Variants in SEM1 observed in about 807,000 individuals in gnomAD.
SEM1 encodes SEM1 26S proteasome subunit.
Under a neutral mutation model 12.7 loss-of-function variants are expected in SEM1, and 3 were observed. The observed-to-expected ratio is 0.24, with a 90% CI of 0.11 to 0.61. The LOEUF (loss-of-function observed/expected upper bound fraction) is 0.61. Ranked by LOEUF, SEM1 falls within the 20% of genes least tolerant of loss-of-function variation. SEM1 has a pLI of 0.88. For missense variants in SEM1, 59 were observed against 81.3 expected (o/e 0.73, Z 1.06); for synonymous variants, 30 against 27.8 (o/e 1.08, Z -0.25).
Position 96,591,330 on chromosome 7 carries a change from GT to G in SEM1, c.171-84633del, listed in dbSNP as rs920308553. Among the ~76,000 whole-genome samples, 4 of 152,142 alleles carry G rather than the reference GT, an allele frequency of 2.6e-5. No individual in the cohort carries two copies. The South Asian group carries it at 6.2e-4, about 24-fold the overall frequency. On this transcript the variant is annotated intron_variant and NMD_transcript_variant, in intron 2 of 3. Coordinates refer to the SEM1 transcript ENST00000466986. ...AAAAGACTTTCGGTTAACTTCTGAGGTTTTAAAACAACGAACTGTCAACCAC... is the reference window on the plus strand; with the variant it reads ...AAAAGACTTTCGGTTAACTTCTGAGGTTTAAAACAACGAACTGTCAACCAC...
intron 2 of SEM1, among the ~76,000 whole-genome samples, chr7:96,646,468 CATATTAT>C (rs1584830541): frequency 1.3e-5 from 2 of 152,136 alleles, no homozygotes; most frequent in Non-Finnish European, 2.9e-5. Context: ...GTTTGGGTCA[CATATTAT>C]TTTAGTTATC....
intron 2 of SEM1, among the ~76,000 whole-genome samples, chr7:96,508,730 A>C (rs1405733382): frequency 6.6e-6 from 1 of 152,180 alleles, no homozygotes; most frequent in Non-Finnish European, 1.5e-5. Flanking sequence ...AGGTGGATAA[A>C]TACAATATAG....
intron 2 of SEM1, among the ~76,000 whole-genome samples, chr7:96,522,250 A>T (rs1804299795): frequency 6.6e-6 from 1 of 152,112 alleles, no homozygotes; most frequent in South Asian, 2.1e-4. Flanking sequence ...ATATTTGCGT[A>T]ACTGATCCAT....
downstream of SEM1, among the ~76,000 whole-genome samples, chr7:96,618,915 C>T (rs1249320292): frequency 1.3e-5 from 2 of 152,132 alleles, no homozygotes; most frequent in African/African-American, 2.4e-5. Context: ...TACACCTCTG[C>T]ACTTTGGCCT....
At chr7:96,663,370 A>G (rs1352973003) in intron 2 of SEM1, among the ~76,000 whole-genome samples, 1 of 152,236 alleles carries the variant, frequency 6.6e-6, no homozygotes, top group Non-Finnish European at 1.5e-5. Context: ...TGGGTTCCCC[A>G]GGAGGTAGAT....
chr7:96,557,755 C>G (rs1805566348), intron 2 of SEM1, among the ~76,000 whole-genome samples: 1 of 151,432 alleles, frequency 6.6e-6, no homozygotes, highest in Non-Finnish European at 1.5e-5. Context: ...TTTACCTAAT[C>G]AAGCCTAGGC....
chr7:96,490,702 C>G (rs1802972122), intron 1 of SEM1, among the ~76,000 whole-genome samples: 1 of 152,088 alleles, frequency 6.6e-6, no homozygotes, highest in African/African-American at 2.4e-5. Flanking sequence ...CAAGCCCAAG[C>G]CAAACGTGAT....
At chr7:96,619,488 C>T (rs1038378899), downstream of SEM1, among the ~76,000 whole-genome samples, 2 of 151,992 alleles carry the variant, frequency 1.3e-5, no homozygotes, top group East Asian at 1.9e-4. Flanking sequence ...GTGGCAGCAG[C>T]GGGGTGAGTG....
chr7:96,650,300 T>C lies in SEM1; in HGVS notation c.171-27657A>G, dbSNP rs1808932479. On this transcript the variant is annotated intron_variant, in intron 2 of 2. Coordinates refer to the SEM1 transcript ENST00000417009. ...GCTGCACAAGACTTGAAACAATCCC[T>C]CTCCTTCAGCTAGATGTCAGAAAAG... 1.0e-5 allele frequency: 5 copies of C among 489,898 alleles called. No individual in the cohort carries two copies. In the East Asian group the frequency reaches 1.3e-4, roughly 13 times the overall value. 30.3% of individuals were successfully genotyped at this position (489,898 alleles called of 1,614,324 possible). A position where few individuals can be genotyped will look rare whatever the true frequency, so the allele number is the denominator to read the frequency against.
chr7:96,651,215 C>G (rs1808971247), intron 2 of SEM1, among the ~76,000 whole-genome samples: 1 of 152,062 alleles, frequency 6.6e-6, no homozygotes. Flanking sequence ...CTTAAAATTC[C>G]ATGTTGGAAA....
At chr7:96,483,768 A>C in exon 4 of SEM1, 2 of 1,494,724 alleles carry the variant, frequency 1.3e-6, no homozygotes, top group Non-Finnish European at 1.8e-6. Flanking sequence ...CCTTGAAGAC[A>C]GAGAGCCAGG....
chr7:96,613,128 T>C (rs891196930), intron 2 of SEM1, among the ~76,000 whole-genome samples: 6 of 152,226 alleles, frequency 3.9e-5, no homozygotes, highest in Non-Finnish European at 8.8e-5. Flanking sequence ...AGAGGAGACC[T>C]TTTGGGGTTG....
At chr7:96,672,588 C>T (rs1000700699), downstream of SEM1, 2 of 152,140 alleles carry the variant, frequency 1.3e-5, no homozygotes, top group African/African-American at 4.8e-5. Context: ...GAAAGAACAA[C>T]AATAACACCA....
intron 1 of SEM1, 74 bp downstream of exon 1, chr7:96,709,614 A>G (rs560097085): frequency 1.4e-6 from 2 of 1,432,094 alleles, no homozygotes; most frequent in South Asian, 1.2e-5. Flanking sequence ...GCTGGGCCCG[A>G]GCACCCAAGC....
Position 96,702,047 on chromosome 7 carries a change from G to C in SEM1, c.77-7156C>G, listed in dbSNP as rs1277983951. Among the ~76,000 whole-genome samples, 9 of 152,142 alleles carry C rather than the reference G, an allele frequency of 5.9e-5. No homozygotes were observed. In the South Asian group the frequency reaches 1.7e-3, roughly 28 times the overall value. On this transcript the variant is annotated intron_variant, in intron 1 of 2. Coordinates refer to ENST00000248566, the MANE Select transcript of SEM1 (RefSeq NM_006304.2). ...TGGCATAAAATGTGGAGCCCAAGTT[G>C]GGCAAGAAGGGCACCTGTTGGGGGC...
chr7:96,503,687 C>A (rs7794042), intron 3 of SEM1, among the ~76,000 whole-genome samples: 2,575 of 152,092 alleles, frequency 0.017, 30 homozygotes, highest in Middle Eastern at 0.037. Context: ...ATGACAGGGC[C>A]TTTATGAAGC....
downstream of SEM1, among the ~76,000 whole-genome samples, chr7:96,620,363 C>T (rs1398715868): frequency 6.6e-6 from 1 of 152,144 alleles, no homozygotes; most frequent in Non-Finnish European, 1.5e-5. Flanking sequence ...AGAATCAGTG[C>T]AGCAGCAGCA....
chr7:96,559,448 ATT>A (rs1207752790), intron 2 of SEM1, among the ~76,000 whole-genome samples: 1 of 151,810 alleles, frequency 6.6e-6, no homozygotes, highest in Admixed American at 6.6e-5. Flanking sequence ...CACCTGGCTA[ATT>A]TTTTGTATTT....
upstream of SEM1, among the ~76,000 whole-genome samples, chr7:96,499,003 T>A (rs1803408587): frequency 6.6e-6 from 1 of 152,140 alleles, no homozygotes; most frequent in Non-Finnish European, 1.5e-5. Context: ...ATAGACACTA[T>A]CCAACTGATA....
Sources: allele counts gnomAD v4.1 joint callset (sites outside exome capture counted in the v4.1 genomes callset), GRCh38; gene constraint gnomAD v4.1.1; transcripts MANE v1.5; gene names NCBI Gene and HGNC (gene_info 2026-07-23, HGNC 2026-07-21).